ACAD11: variants seen among roughly 807,000 people sequenced by gnomAD.
ACAD11 encodes acyl-Coenzyme A dehydrogenase family, member 11.
A neutral mutation model predicts 102.2 loss-of-function variants in ACAD11; 83 were observed. The observed-to-expected ratio is 0.81, with a 90% CI of 0.68 to 0.97. ACAD11 has a LOEUF of 0.97. ACAD11 is among the 50% of genes least tolerant of loss of function. The pLI, the probability that ACAD11 is intolerant of heterozygous loss-of-function variation, is 0.00. For synonymous variants in ACAD11, 324 were observed against 319.8 expected, an observed-to-expected ratio of 1.01 and a Z score of -0.14; for missense variants, 901 against 951.7, an observed-to-expected ratio of 0.95 and a Z score of 0.70.
chr3:132,589,369 G>A (rs367781785), intron 13 of ACAD11, among the ~76,000 whole-genome samples: 2 of 152,258 alleles, frequency 1.3e-5, no homozygotes, highest in East Asian at 3.9e-4. Context: ...TGACTTATCT[G>A]GAAATGCTCA....
intron 1 of ACAD11, chr3:132,649,869 C>G (rs571566980): frequency 1.3e-5 from 2 of 152,204 alleles, no homozygotes; most frequent in African/African-American, 4.8e-5. Context: ...TTTGAACTCA[C>G]GGGCATTCCT....
intron 1 of ACAD11, among the ~76,000 whole-genome samples, chr3:132,653,877 T>G (rs1183697470): frequency 1.3e-5 from 2 of 152,224 alleles, no homozygotes; most frequent in Non-Finnish European, 2.9e-5. Flanking sequence ...ATTTTCTAAG[T>G]AAGACCTTCG....
intron 13 of ACAD11, among the ~76,000 whole-genome samples, chr3:132,588,107 C>G (rs1475715163): frequency 6.6e-6 from 1 of 152,184 alleles, no homozygotes; most frequent in South Asian, 2.1e-4. Flanking sequence ...AAAACTCACC[C>G]TGTGCCCATC....
In ACAD11 at chr3:132,578,086, C is replaced by T. The variant is rs554413029; in HGVS notation, c.1774+710G>A. Reference sequence around the variant, plus strand: ...TAAAAAGAAAGCCAGGGGCTGGGCCCGGTGGCTCATACCTATAATCCCAGC... The same window carrying T: ...TAAAAAGAAAGCCAGGGGCTGGGCCTGGTGGCTCATACCTATAATCCCAGC... On this transcript the variant is annotated intron_variant, in intron 15 of 19. Coordinates refer to ENST00000264990, the MANE Select transcript of ACAD11 (RefSeq NM_032169.5). Among the ~76,000 whole-genome samples, 13 of 152,286 alleles carry T rather than the reference C, an allele frequency of 8.5e-5. No individual in the cohort carries two copies. The South Asian group carries it at 1.2e-3, about 15-fold the overall frequency.
At chr3:132,583,464 A>T (rs1937653939) in intron 13 of ACAD11, among the ~76,000 whole-genome samples, 1 of 151,846 alleles carries the variant, frequency 6.6e-6, no homozygotes, top group Non-Finnish European at 1.5e-5. Context: ...AGTCTGCTAG[A>T]GGTCTATCAA....
chr3:132,623,707 G>T (rs1340494173), intron 9 of ACAD11, among the ~76,000 whole-genome samples: 1 of 151,892 alleles, frequency 6.6e-6, no homozygotes, highest in African/African-American at 2.4e-5. Flanking sequence ...CAAATTTTTT[G>T]TACATATTTC....
chr3:132,564,575 G>T (rs1937157395), intron 17 of ACAD11, among the ~76,000 whole-genome samples: 1 of 152,078 alleles, frequency 6.6e-6, no homozygotes, highest in African/African-American at 2.4e-5. Context: ...GAGCGTGTGG[G>T]TCCCAAGTCC....
At chr3:132,614,800 G>T (rs1939334533) in intron 11 of ACAD11, among the ~76,000 whole-genome samples, 1 of 152,126 alleles carries the variant, frequency 6.6e-6, no homozygotes. Context: ...AAAAGCAATG[G>T]CAACAAAAGC....
At position 132,559,557 on chromosome 3, in the gene ACAD11, C is replaced by T. The variant is rs187722933; in HGVS notation, c.2228+276G>A. Among the ~76,000 whole-genome samples, 162 of 152,138 alleles carry T rather than the reference C, an allele frequency of 1.1e-3. 1 individual carries two copies. The highest frequency in any genetic ancestry group is 3.8e-3 in the African/African-American group (157 of 41,548). ...ATATATTAGATAGTCACTGACATGTCCTGCTACAAATTCAGCGAAACCCCA... is the reference window on the plus strand; with the variant it reads ...ATATATTAGATAGTCACTGACATGTTCTGCTACAAATTCAGCGAAACCCCA... On this transcript the variant is annotated intron_variant, in intron 19 of 19. Transcript: ENST00000264990.
At chr3:132,596,724 G>A (rs997772516) in intron 13 of ACAD11, among the ~76,000 whole-genome samples, 42 of 152,276 alleles carry the variant, frequency 2.8e-4, no homozygotes, top group African/African-American at 8.7e-4. Flanking sequence ...AAAGCCATGG[G>A]AAAATACTCT....
intron 5 of ACAD11, among the ~76,000 whole-genome samples, chr3:132,634,834 T>A (rs1259253444): frequency 1.4e-5 from 2 of 144,050 alleles, no homozygotes; most frequent in East Asian, 4.1e-4. Context: ...ATGTTCTCAC[T>A]CATAGGTGGG....
chr3:132,585,751 C>T (rs1163162153), intron 13 of ACAD11, among the ~76,000 whole-genome samples: 2 of 152,254 alleles, frequency 1.3e-5, no homozygotes, highest in Admixed American at 6.5e-5. Context: ...TGCTCATCAT[C>T]ACTGGCTATC....
At chr3:132,642,823 T>C (rs1473236226) in intron 2 of ACAD11, 21 bp from the exon 3 acceptor site, 1 of 1,594,422 alleles carries the variant, frequency 6.3e-7, no homozygotes, top group Non-Finnish European at 8.5e-7. Flanking sequence ...TGATGAATCA[T>C]TAAAAATCAG....
At chr3:132,624,562 G>T (rs997022560) in intron 9 of ACAD11, among the ~76,000 whole-genome samples, 1 of 147,792 alleles carries the variant, frequency 6.8e-6, no homozygotes, top group African/African-American at 2.5e-5. Flanking sequence ...CCGAGATGGT[G>T]CCACTGCACT....
chr3:132,630,737 C>T (rs113125762), intron 6 of ACAD11, among the ~76,000 whole-genome samples, 179 bp from the exon 7 acceptor site: 3 of 152,102 alleles, frequency 2.0e-5, no homozygotes, highest in African/African-American at 7.2e-5. Context: ...TATATTTGGT[C>T]GTAAATTACT....
chr3:132,653,532 C>T (rs1256838726), intron 1 of ACAD11, among the ~76,000 whole-genome samples: 5 of 152,168 alleles, frequency 3.3e-5, no homozygotes, highest in African/African-American at 4.8e-5. Flanking sequence ...TTCTAGATTA[C>T]TGTCATCAGC....
intron 13 of ACAD11, among the ~76,000 whole-genome samples, chr3:132,597,480 TTTAACC>T (rs1938368681): frequency 6.6e-6 from 1 of 151,732 alleles, no homozygotes; most frequent in Non-Finnish European, 1.5e-5. Context: ...AGCTGTACAG[TTTAACC>T]TTAAATGAAA....
intron 8 of ACAD11, 44 bp downstream of exon 8, chr3:132,628,296 T>C: frequency 7.0e-7 from 1 of 1,421,838 alleles, no homozygotes; most frequent in Non-Finnish European, 9.9e-7. Context: ...ACATACCCAA[T>C]AAAGGCTCTA....
At chr3:132,650,791 G>A (rs565777600) in intron 1 of ACAD11, among the ~76,000 whole-genome samples, 25 of 152,128 alleles carry the variant, frequency 1.6e-4, no homozygotes, top group East Asian at 3.9e-4. Context: ...TGAGACCACC[G>A]GAACTGGTTT....
Sources: gnomAD v4.1 joint callset for allele counts (sites outside exome capture counted in the v4.1 genomes callset) on GRCh38, gnomAD v4.1.1 for gene constraint, MANE v1.5 for transcripts, NCBI Gene and HGNC (gene_info 2026-07-23, HGNC 2026-07-21) for gene names.